Variants in RMND5A observed in about 807,000 individuals in gnomAD.
RMND5A encodes the protein required for meiotic nuclear division 5 homolog A.
Under a neutral mutation model 49.7 loss-of-function variants are expected in RMND5A, and 17 were observed. The ratio of observed to expected loss-of-function variants is 0.34; its 90% confidence interval spans 0.23 to 0.51. The LOEUF is 0.51. Among genes scored for constraint, RMND5A ranks in the 20% least tolerant of loss-of-function variants. The probability of loss-of-function intolerance (pLI) is 0.96; values close to 1 mark genes in which losing one functional copy is unlikely to be tolerated. For synonymous variants in RMND5A, 156 were observed against 167.7 expected, an observed-to-expected ratio of 0.93 and a Z score of 0.54; for missense variants, 255 against 471.3, an observed-to-expected ratio of 0.54 and a Z score of 4.25.
At chr2:86,755,103 C>T (rs1261823452) in intron 4 of RMND5A, among the ~76,000 whole-genome samples, 2 of 150,786 alleles carry the variant, frequency 1.3e-5, no homozygotes, top group African/African-American at 2.5e-5. Context: ...CAAAATATGG[C>T]AACAACTACT....
In RMND5A at chr2:86,774,529, A is replaced by G. The variant is rs1672734450; in HGVS notation, c.*1118A>G. ...ATCTGTATATTATTCTGATGGATAC[A>G]GATAATGATCTTTTCTCTTGTGAGG... On this transcript the variant is annotated 3_prime_UTR_variant, in exon 9 of 9. Coordinates refer to ENST00000283632, the MANE Select transcript of RMND5A (RefSeq NM_022780.4). 1 of 152,682 alleles carries G rather than the reference A, an allele frequency of 6.5e-6. No individual in the cohort carries two copies. The highest frequency in any genetic ancestry group is 1.5e-5 in the Non-Finnish European group (1 of 68,046). 9.5% of individuals were successfully genotyped at this position (152,682 alleles called of 1,614,324 possible). A position where few individuals can be genotyped will look rare whatever the true frequency, so the allele number is the denominator to read the frequency against.
rs1672716927 is a variant in RMND5A at position 86,773,576 on chromosome 2, T to C, written c.*165T>C. The C allele has an allele frequency of 2.1e-6, 1 of 476,744 alleles. No individual in the cohort carries two copies. Among genetic ancestry groups the C allele is most frequent in the South Asian group, 4.4e-5 (1 of 22,970 alleles). The allele number at this position is 476,744 out of a possible 1,614,324, so 29.5% of individuals were successfully genotyped here. On this transcript the variant is annotated 3_prime_UTR_variant, in exon 9 of 9. Coordinates refer to ENST00000283632, the MANE Select transcript of RMND5A (RefSeq NM_022780.4). The stretch of plus-strand genomic sequence containing the variant: ...AGTGTACACACACTGAGGGGAGTGC[T>C]CCCGGTGAATATTATCATAGGGCTT...
chr2:86,746,625 C>T (rs1233630316), intron 2 of RMND5A, among the ~76,000 whole-genome samples: 1 of 152,234 alleles, frequency 6.6e-6, no homozygotes, highest in East Asian at 1.9e-4. Context: ...ACTGGAGTTC[C>T]TTGAGAGAAT....
intron 2 of RMND5A, among the ~76,000 whole-genome samples, chr2:86,746,762 A>G (rs935522257): frequency 2.7e-4 from 41 of 152,242 alleles, no homozygotes; most frequent in African/African-American, 9.6e-5. Flanking sequence ...GATAACTAAT[A>G]GTGGAGGGAT....
intron 2 of RMND5A, among the ~76,000 whole-genome samples, chr2:86,749,366 C>T (rs1054923011): frequency 4.6e-5 from 7 of 151,832 alleles, no homozygotes; most frequent in Admixed American, 2.0e-4. Flanking sequence ...GCTTTAGCAT[C>T]TAGGTACTTT....
chr2:86,750,503 ATG>A (rs376324638), intron 2 of RMND5A, among the ~76,000 whole-genome samples: 1 of 17,524 alleles, frequency 5.7e-5, no homozygotes. Context: ...TGTAAGTAAC[ATG>A]TCACTTTTCT....
chr2:86,759,148 A>G (rs1681798735), intron 4 of RMND5A, among the ~76,000 whole-genome samples: 1 of 152,226 alleles, frequency 6.6e-6, no homozygotes, highest in Non-Finnish European at 1.5e-5. Context: ...GTAAGATTAG[A>G]GAGATAAGCC....
At position 86,773,545 on chromosome 2, in the gene RMND5A, C is replaced by A; in HGVS notation, c.*134C>A. On this transcript the variant is annotated 3_prime_UTR_variant, in exon 9 of 9. Transcript: ENST00000283632. ...GCTAATGCTCCAGAAACTTTGCCAA[C>A]CTGTTAGTGTACACACACTGAGGGG... 1 of 609,342 alleles carries A rather than the reference C, an allele frequency of 1.6e-6. No individual in the cohort carries two copies. Among genetic ancestry groups the A allele is most frequent in the South Asian group, 2.1e-5 (1 of 48,258 alleles). The allele number at this position is 609,342 out of a possible 1,614,324, so 37.7% of individuals were successfully genotyped here.
chr2:86,764,937 C>A, intron 4 of RMND5A, 90 bp from the exon 5 acceptor site: 1 of 1,254,138 alleles, frequency 8.0e-7, no homozygotes, highest in South Asian at 1.5e-5. Flanking sequence ...GCAGACCAAG[C>A]CCCTTTTTTG....
At chr2:86,745,202 A>G (rs1681516842) in intron 2 of RMND5A, among the ~76,000 whole-genome samples, 1 of 152,346 alleles carries the variant, frequency 6.6e-6, no homozygotes, top group South Asian at 2.1e-4. Flanking sequence ...GTATGTGTGC[A>G]TATGTGTTAA....
intron 4 of RMND5A, among the ~76,000 whole-genome samples, chr2:86,759,547 T>C (rs1480004103): frequency 1.3e-5 from 2 of 151,984 alleles, no homozygotes; most frequent in Non-Finnish European, 2.9e-5. Context: ...CGCTGGAAAT[T>C]TGGGATCAGA....
chr2:86,728,602 C>CCCAAGCA (rs1681306008), intron 1 of RMND5A, among the ~76,000 whole-genome samples: 1 of 91,998 alleles, frequency 1.1e-5, no homozygotes, highest in Non-Finnish European at 2.2e-5. Context: ...CCACGCCCGG[C>CCCAAGCA]CTGATCCTAC....
At position 86,773,470 on chromosome 2, in the gene RMND5A, G is replaced by A; in HGVS notation, c.*59G>A. 9.1e-7 allele frequency: 1 copy of A among 1,104,860 alleles called. No homozygotes were observed. The highest frequency in any genetic ancestry group is 1.3e-5 in the South Asian group (1 of 79,564). The allele number at this position is 1,104,860 out of a possible 1,614,324, so 68.4% of individuals were successfully genotyped here. ...ACTGAATCGTGGGTGCATTTCAGAAGAGAACGTTCCATATAATGCAGCTAA... is the reference window on the plus strand; with the variant it reads ...ACTGAATCGTGGGTGCATTTCAGAAAAGAACGTTCCATATAATGCAGCTAA... On this transcript the variant is annotated 3_prime_UTR_variant, in exon 9 of 9. Transcript: ENST00000283632.
At chr2:86,754,780 C>T (rs1267370968) in intron 4 of RMND5A, among the ~76,000 whole-genome samples, 5 of 152,084 alleles carry the variant, frequency 3.3e-5, no homozygotes, top group Non-Finnish European at 5.9e-5. Flanking sequence ...AGGCTGGTTT[C>T]GAACTCCTGA....
chr2:86,720,949 C>T (rs1010245222), intron 1 of RMND5A, 140 bp downstream of exon 1: 4 of 673,954 alleles, frequency 5.9e-6, no homozygotes, highest in South Asian at 2.3e-5. Flanking sequence ...CCCCCAGACC[C>T]CTGAGACTTT....
intron 4 of RMND5A, among the ~76,000 whole-genome samples, chr2:86,759,032 C>A (rs1681796809): frequency 6.6e-6 from 1 of 152,048 alleles, no homozygotes; most frequent in Non-Finnish European, 1.5e-5. Context: ...TTTTGTAAGC[C>A]TTTAAATGCT....
At chr2:86,766,936 G>T (rs1672608264) in intron 6 of RMND5A, among the ~76,000 whole-genome samples, 1 of 152,106 alleles carries the variant, frequency 6.6e-6, no homozygotes, top group Non-Finnish European at 1.5e-5. Context: ...GACAAAATAG[G>T]AAATCCACAT....
intron 2 of RMND5A, among the ~76,000 whole-genome samples, chr2:86,745,213 A>G (rs946608547): frequency 6.6e-6 from 1 of 152,222 alleles, no homozygotes; most frequent in African/African-American, 2.4e-5. Flanking sequence ...TATGTGTTAA[A>G]TAGTACTAAA....
chr2:86,770,160 C>T (rs1672665219), intron 7 of RMND5A, 35 bp downstream of exon 7: 1 of 1,371,630 alleles, frequency 7.3e-7, no homozygotes, highest in African/African-American at 1.4e-5. Context: ...TTTACTTTTA[C>T]TGCCATTAGA....
Sources: gnomAD v4.1 joint callset for allele counts (sites outside exome capture counted in the v4.1 genomes callset) on GRCh38, gnomAD v4.1.1 for gene constraint, MANE v1.5 for transcripts, NCBI Gene and HGNC (gene_info 2026-07-23, HGNC 2026-07-21) for gene names.